TOX: variants seen among roughly 807,000 people sequenced by gnomAD.
The protein encoded by TOX is thymocyte selection-associated high mobility group box protein TOX.
In TOX, 11 loss-of-function variants were observed where a neutral mutation model predicts 53.7. The ratio of observed to expected loss-of-function variants is 0.20; its 90% CI spans 0.13 to 0.34. The LOEUF is 0.34. Ranked by LOEUF, TOX falls within the 10% of genes least tolerant of loss-of-function variation. TOX has a pLI of 1.00. For synonymous variants in TOX, 225 were observed against 245.3 expected (o/e 0.92, Z 0.77); for missense variants, 570 against 664.6 (o/e 0.86, Z 1.56).
At chr8:59,112,903 T>C (rs59973747) in intron 1 of TOX, among the ~76,000 whole-genome samples, 1,721 of 152,338 alleles carry the variant, frequency 0.011, 39 homozygotes, top group African/African-American at 0.039. Context: ...TACAATGTAA[T>C]TGTTAATAGC....
At chr8:58,928,248 T>G (rs1812197955) in intron 3 of TOX, among the ~76,000 whole-genome samples, 1 of 152,196 alleles carries the variant, frequency 6.6e-6, no homozygotes, top group South Asian at 2.1e-4. Flanking sequence ...CGCTATTAGC[T>G]GGGAAATACA....
At chr8:59,051,631 T>C (rs1041478391) in intron 1 of TOX, among the ~76,000 whole-genome samples, 1 of 152,148 alleles carries the variant, frequency 6.6e-6, no homozygotes, top group East Asian at 1.9e-4. Flanking sequence ...TCCATGTCTC[T>C]ATGCAACCTA....
At chr8:59,049,809 T>C (rs1267149682) in intron 1 of TOX, among the ~76,000 whole-genome samples, 1 of 152,174 alleles carries the variant, frequency 6.6e-6, no homozygotes, top group East Asian at 1.9e-4. Flanking sequence ...CTTTATAGTT[T>C]CCCAAAAGAA....
intron 4 of TOX, among the ~76,000 whole-genome samples, chr8:58,848,043 A>G (rs1425817409): frequency 6.6e-6 from 1 of 152,134 alleles, no homozygotes. Flanking sequence ...AATAATTAAA[A>G]TAGTGTTTCA....
chr8:58,879,083 T>TCAA (rs992760806), intron 3 of TOX, among the ~76,000 whole-genome samples: 12 of 143,548 alleles, frequency 8.4e-5, no homozygotes, highest in East Asian at 8.0e-4. Flanking sequence ...ACAAAAAAAC[T>TCAA]CAACAACAAC....
intron 1 of TOX, among the ~76,000 whole-genome samples, chr8:59,020,437 C>G (rs1471199580): frequency 6.6e-6 from 1 of 152,184 alleles, no homozygotes; most frequent in East Asian, 1.9e-4. Flanking sequence ...AAAACTCACT[C>G]TACTTTCCAG....
At chr8:58,895,877 AG>A (rs1344606272) in intron 3 of TOX, among the ~76,000 whole-genome samples, 2 of 152,082 alleles carry the variant, frequency 1.3e-5, no homozygotes, top group Admixed American at 1.3e-4. Flanking sequence ...CTACCTCGGG[AG>A]GGGATGCTGT....
intron 1 of TOX, among the ~76,000 whole-genome samples, chr8:59,058,755 C>G (rs974603531): frequency 2.0e-5 from 3 of 152,162 alleles, no homozygotes; most frequent in Non-Finnish European, 2.9e-5. Context: ...GTGCCTTTCC[C>G]CACCTGCAAC....
Position 58,948,830 on chromosome 8 carries a change from T to C in TOX, c.169-9286A>G, listed in dbSNP as rs1210453771. 2.0e-5 allele frequency among the ~76,000 whole-genome samples: 3 copies of C among 151,368 alleles called. No individual in the cohort carries two copies. In the South Asian group the frequency reaches 6.3e-4, roughly 32 times the overall value. On this transcript the variant is annotated intron_variant, in intron 2 of 8. Coordinates refer to ENST00000361421, the MANE Select transcript of TOX (RefSeq NM_014729.3). ...CCCATGTTAACTAGCTTAAAAAAATTAGAAAATATACATAGGAAAAAAAAA... is the reference window on the plus strand; with the variant it reads ...CCCATGTTAACTAGCTTAAAAAAATCAGAAAATATACATAGGAAAAAAAAA...
intron 2 of TOX, among the ~76,000 whole-genome samples, chr8:58,940,943 G>A (rs1812427046): frequency 6.6e-6 from 1 of 152,160 alleles, no homozygotes; most frequent in South Asian, 2.1e-4. Context: ...CTGGAATTTA[G>A]ACCTGGTCAT....
At chr8:58,838,487 A>G (rs1810586534) in intron 4 of TOX, among the ~76,000 whole-genome samples, 176 bp from the exon 5 acceptor site, 2 of 152,058 alleles carry the variant, frequency 1.3e-5, no homozygotes, top group Admixed American at 1.3e-4. Context: ...TGCATATTTC[A>G]AGTAGTCTTC....
At chr8:58,877,213 T>C (rs186777694) in intron 3 of TOX, among the ~76,000 whole-genome samples, 46 of 152,350 alleles carry the variant, frequency 3.0e-4, no homozygotes, top group Admixed American at 7.8e-4. Context: ...TTTAATTAAT[T>C]ATAACAGTGA....
intron 1 of TOX, among the ~76,000 whole-genome samples, chr8:58,989,007 G>T: frequency 6.6e-6 from 1 of 152,194 alleles, no homozygotes; most frequent in East Asian, 1.9e-4. Context: ...ACCTGGCAGA[G>T]ATTATCTCAC....
chr8:59,001,583 A>G (rs1175736922), intron 1 of TOX, among the ~76,000 whole-genome samples: 1 of 152,208 alleles, frequency 6.6e-6, no homozygotes, highest in Non-Finnish European at 1.5e-5. Flanking sequence ...ACAAGTTGAA[A>G]CTGTGAGTTT....
chr8:58,855,350 A>T (rs998384523), intron 3 of TOX, among the ~76,000 whole-genome samples: 2 of 152,206 alleles, frequency 1.3e-5, no homozygotes, highest in African/African-American at 4.8e-5. Context: ...CATTCTTGCT[A>T]GAAATGTGAA....
intron 1 of TOX, among the ~76,000 whole-genome samples, chr8:59,106,578 T>C (rs895333914): frequency 2.6e-5 from 4 of 152,068 alleles, no homozygotes; most frequent in Admixed American, 1.3e-4. Context: ...TTTGGAAAAA[T>C]TGCACATAAA....
At chr8:59,039,808 C>A (rs1803542875) in intron 1 of TOX, among the ~76,000 whole-genome samples, 1 of 152,144 alleles carries the variant, frequency 6.6e-6, no homozygotes, top group African/African-American at 2.4e-5. Context: ...TATGTATTTA[C>A]TTTCTGGTTT....
intron 3 of TOX, among the ~76,000 whole-genome samples, chr8:58,861,905 T>G (rs990551101): frequency 1.3e-5 from 2 of 152,172 alleles, no homozygotes; most frequent in African/African-American, 4.8e-5. Context: ...TAGAGGCACT[T>G]AAATCATTAG....
intron 1 of TOX, among the ~76,000 whole-genome samples, chr8:59,105,914 C>T (rs912587028): frequency 6.6e-6 from 1 of 151,990 alleles, no homozygotes; most frequent in Non-Finnish European, 1.5e-5. Context: ...GCCAAAGTTA[C>T]CTTACAAAGT....
Sources: allele counts gnomAD v4.1 joint callset (sites outside exome capture counted in the v4.1 genomes callset), GRCh38; gene constraint gnomAD v4.1.1; transcripts MANE v1.5; gene names NCBI Gene and HGNC (gene_info 2026-07-23, HGNC 2026-07-21).